Variants in DRD3 observed in about 807,000 individuals in gnomAD.
DRD3 encodes dopamine receptor D3, also known as D(3) dopamine receptor.
Under a neutral mutation model 36.3 loss-of-function variants are expected in DRD3, and 19 were observed. The ratio of observed to expected loss-of-function variants is 0.52; its 90% CI spans 0.36 to 0.77. The LOEUF (loss-of-function observed/expected upper bound fraction) is 0.77. DRD3 is among the 30% of genes least tolerant of loss of function. The pLI, the probability that DRD3 is intolerant of heterozygous loss-of-function variation, is 0.00. For synonymous variants in DRD3, 195 were observed against 203.7 expected, an observed-to-expected ratio of 0.96 and a Z score of 0.36; for missense variants, 465 against 505.3, an observed-to-expected ratio of 0.92 and a Z score of 0.77.
chr3:114,153,105 G>T (rs948237094), intron 3 of DRD3, among the ~76,000 whole-genome samples: 1 of 152,236 alleles, frequency 6.6e-6, no homozygotes, highest in Non-Finnish European at 1.5e-5. Flanking sequence ...ATGAGAAACG[G>T]ACTGATCAGC....
chr3:114,137,198 G>T (rs1454965868), intron 5 of DRD3, among the ~76,000 whole-genome samples: 9 of 152,194 alleles, frequency 5.9e-5, no homozygotes, highest in Non-Finnish European at 1.3e-4. Flanking sequence ...GTGGGAAAAG[G>T]TCTCTTATTC....
chr3:114,178,772 A>G lies in DRD3; in HGVS notation c.-151T>C, dbSNP rs1289604935. 1 of 152,212 alleles carries G rather than the reference A, an allele frequency of 6.6e-6. No individual in the cohort carries two copies. The highest frequency in any genetic ancestry group is 2.4e-5 in the African/African-American group (1 of 41,458). 9.4% of individuals were successfully genotyped at this position (152,212 alleles called of 1,614,324 possible). A position where few individuals can be genotyped will look rare whatever the true frequency, so the allele number is the denominator to read the frequency against. ...GCAAACTTTGCCTTTCTCAGGACTC[A>G]GAAACTATGAAATGAACAGAAAGAA... On this transcript the variant is annotated 5_prime_UTR_variant, in exon 1 of 7. Coordinates refer to ENST00000383673, the MANE Select transcript of DRD3 (RefSeq NM_000796.6).
At chr3:114,179,883 TGA>T (rs1157664328), upstream of DRD3, among the ~76,000 whole-genome samples, 1 of 152,174 alleles carries the variant, frequency 6.6e-6, no homozygotes, top group Non-Finnish European at 1.5e-5. Flanking sequence ...CATCATTTAT[TGA>T]GCATGTACTT....
chr3:114,151,075 G>A (rs990203266), intron 3 of DRD3, among the ~76,000 whole-genome samples: 1 of 152,170 alleles, frequency 6.6e-6, no homozygotes, highest in Non-Finnish European at 1.5e-5. Context: ...CCCTTCATCT[G>A]ATGCAAGTCC....
intron 1 of DRD3, among the ~76,000 whole-genome samples, chr3:114,186,102 T>G (rs1188776111): frequency 6.6e-6 from 1 of 152,228 alleles, no homozygotes; most frequent in Non-Finnish European, 1.5e-5. Flanking sequence ...CACCTTTCCC[T>G]AGGTAAGTGC....
chr3:114,163,688 T>G (rs1273497617), intron 2 of DRD3, among the ~76,000 whole-genome samples: 1 of 152,180 alleles, frequency 6.6e-6, no homozygotes, highest in African/African-American at 2.4e-5. Context: ...GTGCCCAAGA[T>G]ATGTCTGATA....
At chr3:114,140,854 G>A (rs2077517760) in intron 4 of DRD3, among the ~76,000 whole-genome samples, 1 of 152,154 alleles carries the variant, frequency 6.6e-6, no homozygotes, top group Non-Finnish European at 1.5e-5. Flanking sequence ...AGTTGGCCTT[G>A]GAAGATGAAG....
intron 1 of DRD3, among the ~76,000 whole-genome samples, chr3:114,172,703 T>C (rs1439181232): frequency 1.3e-5 from 2 of 152,214 alleles, no homozygotes; most frequent in Non-Finnish European, 1.5e-5. Flanking sequence ...TTTACCTCTC[T>C]GAGCTCCAGA....
intron 3 of DRD3, among the ~76,000 whole-genome samples, chr3:114,156,019 G>A: frequency 6.6e-6 from 1 of 152,114 alleles, no homozygotes; most frequent in East Asian, 1.9e-4. Flanking sequence ...GCCATTTATT[G>A]AGAATTTATC....
intron 3 of DRD3, among the ~76,000 whole-genome samples, chr3:114,151,342 T>C (rs1201435756): frequency 6.6e-6 from 1 of 152,160 alleles, no homozygotes; most frequent in Non-Finnish European, 1.5e-5. Context: ...TCCACTTGCA[T>C]AATGTCCTTT....
At chr3:114,187,478 G>A (rs2077981869) in intron 1 of DRD3, among the ~76,000 whole-genome samples, 1 of 152,186 alleles carries the variant, frequency 6.6e-6, no homozygotes, top group African/African-American at 2.4e-5. Context: ...GTATGTTAAT[G>A]AGAATAATCT....
intron 2 of DRD3, among the ~76,000 whole-genome samples, chr3:114,168,064 C>G (rs2077803052): frequency 6.6e-6 from 1 of 152,146 alleles, no homozygotes; most frequent in African/African-American, 2.4e-5. Flanking sequence ...TATAAAGTTC[C>G]TGGTATGACA....
chr3:114,155,058 T>C (rs1358617497), intron 3 of DRD3, among the ~76,000 whole-genome samples: 2 of 152,218 alleles, frequency 1.3e-5, no homozygotes, highest in Non-Finnish European at 2.9e-5. Flanking sequence ...TTTCCTTTTC[T>C]TTCATATCTC....
intron 2 of DRD3, among the ~76,000 whole-genome samples, chr3:114,170,011 C>T (rs1030331015): frequency 5.3e-5 from 8 of 152,198 alleles, no homozygotes; most frequent in African/African-American, 1.9e-4. Flanking sequence ...TTCTGGAGGA[C>T]TTAACATTCC....
intron 1 of DRD3, among the ~76,000 whole-genome samples, chr3:114,173,978 G>A (rs976087314): frequency 6.6e-6 from 1 of 152,210 alleles, no homozygotes; most frequent in African/African-American, 2.4e-5. Context: ...GTTTCAGCCT[G>A]AAATATGAAA....
At chr3:114,156,893 CTCT>C (rs1296518050) in intron 3 of DRD3, among the ~76,000 whole-genome samples, 6 of 106,176 alleles carry the variant, frequency 5.7e-5, no homozygotes, top group African/African-American at 2.1e-4. Flanking sequence ...TTCTTTTCTT[CTCT>C]TTTCTTCCTT....
chr3:114,131,509 G>A, intron 5 of DRD3, 109 bp from the exon 6 acceptor site: 1 of 1,405,880 alleles, frequency 7.1e-7, no homozygotes, highest in Non-Finnish European at 9.5e-7. Flanking sequence ...CAACACAGTT[G>A]TGGGAAACCT....
intron 4 of DRD3, among the ~76,000 whole-genome samples, chr3:114,144,410 T>C (rs2077553542): frequency 2.0e-5 from 3 of 152,198 alleles, no homozygotes; most frequent in Admixed American, 2.0e-4. Flanking sequence ...AAAAAATGAC[T>C]GAGAAGAGTC....
chr3:114,148,774 G>A (rs182953828), intron 3 of DRD3, among the ~76,000 whole-genome samples: 371 of 152,160 alleles, frequency 2.4e-3, no homozygotes, highest in Non-Finnish European at 3.4e-3. Flanking sequence ...GTGCAGTGGC[G>A]CGATCTCAAC....
Sources: gnomAD v4.1 joint callset for allele counts (sites outside exome capture counted in the v4.1 genomes callset) on GRCh38, gnomAD v4.1.1 for gene constraint, MANE v1.5 for transcripts, NCBI Gene and HGNC (gene_info 2026-07-23, HGNC 2026-07-21) for gene names.